Variants in MSH3 observed in about 807,000 individuals in gnomAD.
The protein encoded by MSH3 is DNA mismatch repair protein Msh3.
MSH3 carries 106 observed loss-of-function variants against 123.3 expected under a neutral mutation model. The observed-to-expected ratio is 0.86, with a 90% CI of 0.73 to 1.01. The LOEUF (loss-of-function observed/expected upper bound fraction) is 1.01, where lower values mean the gene tolerates loss of function less well. Ranked by LOEUF, MSH3 falls within the 50% of genes least tolerant of loss-of-function variation. The pLI is 0.00. For missense variants in MSH3, 1,459 were observed against 1,347.6 expected, an observed-to-expected ratio of 1.08 and a Z score of -1.29; for synonymous variants, 515 against 481.4, an observed-to-expected ratio of 1.07 and a Z score of -0.91.
At chr5:80,824,328 C>A (rs1169779177) in intron 20 of MSH3, among the ~76,000 whole-genome samples, 8 of 151,854 alleles carry the variant, frequency 5.3e-5, no homozygotes, top group African/African-American at 1.2e-4. Flanking sequence ...AGGCGCCCCC[C>A]ACCTCCCTCC....
At position 80,854,157 on chromosome 5, in the gene MSH3, A is replaced by G. The variant is rs1222857835; in HGVS notation, c.2841A>G (p.Lys947=). Residue 947 remains lysine (K), a synonymous_variant, in exon 21 of 24, where the codon AAA becomes AAG. Coordinates refer to ENST00000265081, the MANE Select transcript of MSH3 (RefSeq NM_002439.5). ...TRMGAADNIY[K]GQSTFMEELT... ...TGGGTGCTGCAGACAATATATATAAAGGACAGAGTACATTTATGGAAGAAC... is the reference window on the plus strand; with the variant it reads ...TGGGTGCTGCAGACAATATATATAAGGGACAGAGTACATTTATGGAAGAAC... 1 of 1,613,580 alleles carries G rather than the reference A, an allele frequency of 6.2e-7. No individual in the cohort carries two copies. The highest frequency in any genetic ancestry group is 1.3e-5 in the African/African-American group (1 of 74,890).
intron 21 of MSH3, among the ~76,000 whole-genome samples, chr5:80,862,911 A>G (rs563445034): frequency 3.2e-4 from 49 of 152,366 alleles, no homozygotes; most frequent in African/African-American, 1.1e-3. Context: ...AATAACGACT[A>G]TAATAATAAC....
intron 19 of MSH3, among the ~76,000 whole-genome samples, chr5:80,808,609 TC>T (rs1320026397): frequency 6.6e-6 from 1 of 151,990 alleles, no homozygotes; most frequent in African/African-American, 2.4e-5. Flanking sequence ...TGATATTTTT[TC>T]TATATATACA....
At chr5:80,785,997 G>C (rs1421384333) in intron 17 of MSH3, among the ~76,000 whole-genome samples, 4 of 151,320 alleles carry the variant, frequency 2.6e-5, no homozygotes, top group East Asian at 1.9e-4. Context: ...GTTGTGGGGT[G>C]GGGGGAAGGG....
intron 21 of MSH3, among the ~76,000 whole-genome samples, chr5:80,862,355 T>G (rs1426109254): frequency 6.6e-6 from 1 of 152,218 alleles, no homozygotes; most frequent in Non-Finnish European, 1.5e-5. Flanking sequence ...TGGAGTTCTT[T>G]GATTTAATTA....
chr5:80,851,991 T>C (rs1745837736), intron 20 of MSH3, among the ~76,000 whole-genome samples: 1 of 152,200 alleles, frequency 6.6e-6, no homozygotes. Context: ...TTTACTGTTT[T>C]AGAAAGCACT....
chr5:80,778,036 A>C (rs1292469018), intron 16 of MSH3, among the ~76,000 whole-genome samples: 1 of 152,196 alleles, frequency 6.6e-6, no homozygotes, highest in Non-Finnish European at 1.5e-5. Flanking sequence ...CAAATCACAT[A>C]GCTAGTAAGT....
intron 3 of MSH3, among the ~76,000 whole-genome samples, chr5:80,666,830 A>G (rs1443323633): frequency 6.6e-6 from 1 of 152,250 alleles, no homozygotes; most frequent in Non-Finnish European, 1.5e-5. Flanking sequence ...GGGTGGGGTC[A>G]GCAATGCCAT....
intron 3 of MSH3, among the ~76,000 whole-genome samples, chr5:80,665,571 A>G (rs41553917): frequency 9.5e-4 from 144 of 152,252 alleles, no homozygotes; most frequent in Non-Finnish European, 1.5e-3. Flanking sequence ...ATTGGTTTGT[A>G]TGGGAACAAA....
intron 8 of MSH3, among the ~76,000 whole-genome samples, chr5:80,681,481 C>A (rs1012094813): frequency 6.6e-6 from 1 of 151,276 alleles, no homozygotes; most frequent in Non-Finnish European, 1.5e-5. Context: ...ATGAATATTT[C>A]TATATATGGA....
Position 80,813,603 on chromosome 5 carries a change from T to C in MSH3, c.2675T>C (p.Met892Thr), listed in dbSNP as rs2112054150. ...TDLSEDSERV[M>T]IITGPNMGGK... is the part of the protein sequence containing the mutation. Reference sequence around the variant, plus strand: ...TTTCAGGAGGACTCAGAGAGAGTAATGATAATTACCGGACCAAACATGGGT... The same window carrying C: ...TTTCAGGAGGACTCAGAGAGAGTAACGATAATTACCGGACCAAACATGGGT... The change falls in exon 20 of 24, where the codon ATG (methionine) becomes ACG (threonine). Residue 892 changes from methionine (M) to threonine (T), a missense_variant. Met to Thr is a moderately conservative substitution (Grantham distance 81, BLOSUM62 -1). Transcript: ENST00000265081. The C allele has an allele frequency of 6.2e-7, 1 of 1,614,072 alleles. No homozygotes were observed. Among genetic ancestry groups the C allele is most frequent in the Non-Finnish European group, 8.5e-7 (1 of 1,179,994 alleles).
intron 22 of MSH3, among the ~76,000 whole-genome samples, chr5:80,870,603 G>A (rs1746196145): frequency 6.6e-6 from 1 of 152,180 alleles, no homozygotes; most frequent in Non-Finnish European, 1.5e-5. Flanking sequence ...GGTACTGTCA[G>A]TGCCTTGCAA....
intron 20 of MSH3, among the ~76,000 whole-genome samples, chr5:80,843,186 G>A (rs1213684145): frequency 6.6e-6 from 1 of 151,904 alleles, no homozygotes; most frequent in Non-Finnish European, 1.5e-5. Context: ...CATTGGTTCT[G>A]TTTATGTTTC....
intron 20 of MSH3, among the ~76,000 whole-genome samples, chr5:80,845,224 T>C (rs1444054514): frequency 6.6e-6 from 1 of 152,194 alleles, no homozygotes; most frequent in Non-Finnish European, 1.5e-5. Context: ...TGTTGAATAT[T>C]GGCCCCCACT....
At chr5:80,720,393 C>G (rs1024921391) in intron 8 of MSH3, among the ~76,000 whole-genome samples, 15 of 152,130 alleles carry the variant, frequency 9.9e-5, no homozygotes, top group African/African-American at 3.6e-4. Flanking sequence ...CTTTGCCAAC[C>G]TTTTGTATTT....
chr5:80,854,109 G>T (rs1487464607), intron 20 of MSH3, 21 bp from the exon 21 acceptor site: 3 of 1,592,718 alleles, frequency 1.9e-6, no homozygotes, highest in Non-Finnish European at 2.6e-6. Context: ...GAAAATCAAG[G>T]TGTTTTCATC....
chr5:80,778,218 C>T (rs1433879860), intron 16 of MSH3, among the ~76,000 whole-genome samples: 2 of 152,182 alleles, frequency 1.3e-5, no homozygotes, highest in Non-Finnish European at 2.9e-5. Context: ...ATCACAGTAT[C>T]CTGAAGATCT....
At chr5:80,795,159 GGTGGCAGAGATGT>G (rs1171927295) in intron 19 of MSH3, among the ~76,000 whole-genome samples, 1 of 152,182 alleles carries the variant, frequency 6.6e-6, no homozygotes, top group African/African-American at 2.4e-5. Context: ...TGTGAGCAGA[GGTGGCAGAGATGT>G]GTGGCATGGT....
rs752719913 is a variant in MSH3 at position 80,873,230 on chromosome 5, T to G, written c.3245T>G (p.Ile1082Ser). 1 of 1,613,976 alleles carries G rather than the reference T, an allele frequency of 6.2e-7. No individual in the cohort carries two copies. ...VAKLADVPGE[I>S]LKKAAHKSKE... ...AAACTAGCAGATGTTCCTGGAGAAATTTTGAAGAAAGCAGCTCACAAGTCA... is the reference window on the plus strand; with the variant it reads ...AAACTAGCAGATGTTCCTGGAGAAAGTTTGAAGAAAGCAGCTCACAAGTCA... Residue 1082 changes from isoleucine (I) to serine (S), a missense_variant, in exon 23 of 24, where the codon ATT becomes AGT. Physicochemically the swap from Ile to Ser is moderately radical, Grantham distance 142. Transcript: ENST00000265081.
Sources: gnomAD v4.1 joint callset for allele counts (sites outside exome capture counted in the v4.1 genomes callset) on GRCh38, gnomAD v4.1.1 for gene constraint, MANE v1.5 for transcripts, NCBI Gene and HGNC (gene_info 2026-07-23, HGNC 2026-07-21) for gene names.